MAEA: variants seen among roughly 807,000 people sequenced by gnomAD.
MAEA encodes the protein macrophage erythroblast attacher, E3 ubiquitin ligase.
MAEA carries 22 observed loss-of-function variants against 46.2 expected under a neutral mutation model. The observed-to-expected ratio is 0.48, with a 90% CI of 0.34 to 0.68. MAEA has a LOEUF of 0.68. MAEA is among the 30% of genes least tolerant of loss of function. The pLI is 0.01. For synonymous variants in MAEA, 246 were observed against 222.6 expected (o/e 1.11, Z -0.94); for missense variants, 393 against 558.1 (o/e 0.70, Z 2.98).
rs149887104 is a variant in MAEA at position 1,309,917 on chromosome 4, G to A, written c.70-2062G>A. 174 of 1,283,782 alleles carry A rather than the reference G, an allele frequency of 1.4e-4. No homozygotes were observed. The African/African-American group carries it at 2.1e-3, about 15-fold the overall frequency. The allele number at this position is 1,283,782 out of a possible 1,614,324, so 79.5% of individuals were successfully genotyped here. A position where few individuals can be genotyped will look rare whatever the true frequency, so the allele number is the denominator to read the frequency against. Reference sequence around the variant, plus strand: ...GGGTTGGAAAGTCCAGAAAGGCCCCGTTCCCGCGTAGAACTTGAATGCAGC... The same window carrying A: ...GGGTTGGAAAGTCCAGAAAGGCCCCATTCCCGCGTAGAACTTGAATGCAGC... On this transcript the variant is annotated intron_variant, in intron 1 of 8. Transcript: ENST00000303400.
intron 1 of MAEA, among the ~76,000 whole-genome samples, chr4:1,304,173 A>C (rs1208019819): frequency 6.6e-6 from 1 of 152,236 alleles, no homozygotes; most frequent in African/African-American, 2.4e-5. Flanking sequence ...GCTGTTGAGC[A>C]CTTGAGATGT....
intron 4 of MAEA, among the ~76,000 whole-genome samples, chr4:1,326,491 C>T (rs1738835363): frequency 6.6e-6 from 1 of 152,196 alleles, no homozygotes; most frequent in Non-Finnish European, 1.5e-5. Context: ...TGCCCCCACC[C>T]CAGCCACAAG....
chr4:1,319,729 G>A (rs1285972720), intron 3 of MAEA, among the ~76,000 whole-genome samples: 1 of 61,014 alleles, frequency 1.6e-5, no homozygotes, highest in African/African-American at 1.1e-4. Flanking sequence ...AAGAGAGCGA[G>A]ACCCTGTCTC....
intron 1 of MAEA, among the ~76,000 whole-genome samples, chr4:1,294,200 C>T (rs1346436511): frequency 6.6e-6 from 1 of 152,214 alleles, no homozygotes; most frequent in African/African-American, 2.4e-5. Context: ...ATGGTCTGCC[C>T]TTTGTGGCTC....
chr4:1,338,948 T>A, intron 8 of MAEA, 126 bp from the exon 9 acceptor site: 1 of 810,948 alleles, frequency 1.2e-6, no homozygotes, highest in Non-Finnish European at 2.1e-6. Context: ...CAGGTGTGCC[T>A]TCGGGAAGGA....
At chr4:1,324,578 T>A (rs1468004724) in intron 4 of MAEA, among the ~76,000 whole-genome samples, 2 of 141,098 alleles carry the variant, frequency 1.4e-5, no homozygotes, top group African/African-American at 5.4e-5. Context: ...TTGGATGAGT[T>A]GAGGTTGGAT....
intron 1 of MAEA, among the ~76,000 whole-genome samples, chr4:1,302,795 A>G (rs1468906809): frequency 1.3e-5 from 2 of 152,224 alleles, no homozygotes; most frequent in Non-Finnish European, 2.9e-5. Context: ...AACATTTTTT[A>G]AATGAGCACA....
chr4:1,338,781 G>A lies in MAEA; in HGVS notation c.1095+164G>A, dbSNP rs148144289. 4,489 of 787,338 alleles carry A rather than the reference G, an allele frequency of 5.7e-3. 34 individuals carry two copies. Among genetic ancestry groups the A allele is most frequent in the Non-Finnish European group, 6.7e-3 (3,381 of 503,006 alleles). 48.8% of individuals were successfully genotyped at this position (787,338 alleles called of 1,614,324 possible). A position where few individuals can be genotyped will look rare whatever the true frequency, so the allele number is the denominator to read the frequency against. ...GGCCAGGCTGGCACGCGTCGCCATC[G>A]GGACAGGGCTGTGTGGGGCGGGCAG... On this transcript the variant is annotated intron_variant, in intron 8 of 8. Coordinates refer to ENST00000303400, the MANE Select transcript of MAEA (RefSeq NM_001017405.3).
rs1560343556 is a variant in MAEA, at chr4:1,309,701, AC to A, written c.70-2276del. 2.2e-5 allele frequency: 33 copies of A among 1,528,930 alleles called. 1 individual carries two copies. The highest frequency in any genetic ancestry group is 2.6e-5 in the Non-Finnish European group (30 of 1,143,018). 94.7% of individuals were successfully genotyped at this position (1,528,930 alleles called of 1,614,324 possible). On this transcript the variant is annotated intron_variant, in intron 1 of 8. Transcript: ENST00000303400. ...GGTGGGGTCTTCCAGTTGTGAAGAC[AC>A]CGTGGCCCCGGTGAGCCCCTCCCCG...
At chr4:1,299,063 G>A (rs1364924521) in intron 1 of MAEA, among the ~76,000 whole-genome samples, 1 of 152,012 alleles carries the variant, frequency 6.6e-6, no homozygotes, top group Non-Finnish European at 1.5e-5. Flanking sequence ...TTTATTTGTA[G>A]AGATAGGTTC....
chr4:1,326,645 A>G (rs948557795), intron 4 of MAEA, among the ~76,000 whole-genome samples: 1 of 135,816 alleles, frequency 7.4e-6, no homozygotes, highest in Non-Finnish European at 1.5e-5. Context: ...TGCCTCAGGC[A>G]TAGTGCCTTC....
Position 1,312,083 on chromosome 4 carries a change from G to T in MAEA, c.174G>T (p.Leu58Phe). 6.2e-7 allele frequency: 1 copy of T among 1,613,730 alleles called. No homozygotes were observed. The highest frequency in any genetic ancestry group is 8.5e-7 in the Non-Finnish European group (1 of 1,180,046). The change falls in exon 2 of 9, where the codon TTG becomes TTT. Residue 58 changes from leucine (L) to phenylalanine (F), a missense_variant. Coordinates refer to ENST00000303400, the MANE Select transcript of MAEA (RefSeq NM_001017405.3). Reference protein sequence around the residue: ...TMVVAELEKTLSGCPAVDSVV... With the variant: ...TMVVAELEKTFSGCPAVDSVV... ...TGGTGGCCGAGCTGGAGAAGACGTT[G>T]AGCGGCTGCCCCGCCGTGGACTCCG... is the stretch of plus-strand genomic sequence containing the variant.
chr4:1,303,655 A>G (rs1333254471), intron 1 of MAEA, among the ~76,000 whole-genome samples: 1 of 152,014 alleles, frequency 6.6e-6, no homozygotes, highest in African/African-American at 2.4e-5. Context: ...GTCTGAGGGG[A>G]CTACAGCGGG....
intron 5 of MAEA, chr4:1,332,176 C>T (rs1042306231): frequency 2.0e-5 from 3 of 152,672 alleles, no homozygotes; most frequent in Admixed American, 1.3e-4. Context: ...TCCTTGTAAA[C>T]CAGAATCGCT....
intron 3 of MAEA, among the ~76,000 whole-genome samples, chr4:1,320,063 A>G (rs1453742583): frequency 6.6e-6 from 1 of 151,792 alleles, no homozygotes; most frequent in Non-Finnish European, 1.5e-5. Flanking sequence ...CATGCAAGGA[A>G]ACGCTATGAA....
At chr4:1,309,514 G>A in intron 1 of MAEA, 1 of 1,354,122 alleles carries the variant, frequency 7.4e-7, no homozygotes, top group Non-Finnish European at 9.6e-7. Flanking sequence ...CCTGCTGGAG[G>A]GAGAGGGGGT....
At chr4:1,328,661 A>G in intron 5 of MAEA, 1 of 1,279,182 alleles carries the variant, frequency 7.8e-7, no homozygotes, top group Non-Finnish European at 1.0e-6. Context: ...TGTTCCACAG[A>G]AGGCCCATTT....
Position 1,309,520 on chromosome 4 carries a change from G to C in MAEA, c.70-2459G>C, listed in dbSNP as rs922784632. The C allele has an allele frequency of 8.8e-6, 12 of 1,359,590 alleles. No homozygotes were observed. The South Asian group carries it at 1.2e-4, about 14-fold the overall frequency. 84.2% of individuals were successfully genotyped at this position (1,359,590 alleles called of 1,614,324 possible). A position where few individuals can be genotyped will look rare whatever the true frequency, so the allele number is the denominator to read the frequency against. On this transcript the variant is annotated intron_variant, in intron 1 of 8. Transcript: ENST00000303400. ...AGCAGCTGCCCTGCTGGAGGGAGAG[G>C]GGGTGCTGCGCTCATCCCCTGAACT...
chr4:1,330,156 A>AT (rs1711512295), intron 5 of MAEA: 1 of 985,122 alleles, frequency 1.0e-6, no homozygotes, highest in East Asian at 1.1e-4. Flanking sequence ...AACGCCTTTA[A>AT]TTTTTAGTAA....
Sources: gnomAD v4.1 joint callset for allele counts (sites outside exome capture counted in the v4.1 genomes callset) on GRCh38, gnomAD v4.1.1 for gene constraint, MANE v1.5 for transcripts, NCBI Gene and HGNC (gene_info 2026-07-23, HGNC 2026-07-21) for gene names.